DCDC2: variants seen among roughly 807,000 people sequenced by gnomAD.
The protein encoded by DCDC2 is doublecortin domain containing 2.
Under a neutral mutation model 50.2 loss-of-function variants are expected in DCDC2, and 40 were observed. The observed-to-expected ratio is 0.80, with a 90% CI of 0.62 to 1.04. DCDC2 has a LOEUF of 1.04. Among genes scored for constraint, DCDC2 ranks in the 50% least tolerant of loss-of-function variants. DCDC2 has a pLI of 0.00. For synonymous variants in DCDC2, 234 were observed against 210.6 expected (o/e 1.11, Z -0.96); for missense variants, 570 against 581.9 (o/e 0.98, Z 0.21).
At chr6:24,292,344 A>C (rs199740932) in intron 4 of DCDC2, among the ~76,000 whole-genome samples, 3 of 79,230 alleles carry the variant, frequency 3.8e-5, no homozygotes, top group Non-Finnish European at 6.9e-5. Context: ...TTACAGACGC[A>C]AAAAAAAAAA....
At position 24,172,080 on chromosome 6, in the gene DCDC2, G is replaced by C. The variant is rs963057687; in HGVS notation, c.*2650C>G. On this transcript the variant is annotated 3_prime_UTR_variant, in exon 10 of 10. Coordinates refer to ENST00000378454, the MANE Select transcript of DCDC2 (RefSeq NM_016356.5). ...TTCATTTAATTTGGAGAGCCAGTCT[G>C]CCACGGAGACCACCATTCTCCACAG... 6.6e-6 allele frequency: 1 copy of C among 152,102 alleles called. No homozygotes were observed. Among genetic ancestry groups the C allele is most frequent in the South Asian group, 2.1e-4 (1 of 4,810 alleles). 9.4% of individuals were successfully genotyped at this position (152,102 alleles called of 1,614,324 possible). A position where few individuals can be genotyped will look rare whatever the true frequency, so the allele number is the denominator to read the frequency against.
intron 7 of DCDC2, among the ~76,000 whole-genome samples, chr6:24,276,321 TA>T (rs1289357822): frequency 6.6e-6 from 1 of 151,732 alleles, no homozygotes; most frequent in Non-Finnish European, 1.5e-5. Context: ...AAAGACTTTT[TA>T]AAAATATACT....
At chr6:24,224,558 G>A (rs1762188235) in intron 7 of DCDC2, among the ~76,000 whole-genome samples, 1 of 152,190 alleles carries the variant, frequency 6.6e-6, no homozygotes, top group South Asian at 2.1e-4. Flanking sequence ...CACATATGTG[G>A]TGTGCACTGG....
chr6:24,285,752 T>C (rs190222169), intron 6 of DCDC2, among the ~76,000 whole-genome samples: 118 of 152,360 alleles, frequency 7.7e-4, no homozygotes, highest in Non-Finnish European at 1.5e-3. Flanking sequence ...GTTTTTCAAA[T>C]TTCAGAATAC....
the DCDC2 span, among the ~76,000 whole-genome samples, chr6:24,381,827 G>GAAGGAAGGAAGT: frequency 7.4e-6 from 1 of 135,374 alleles, no homozygotes; most frequent in Non-Finnish European, 1.6e-5. Context: ...AGGAAGGAAG[G>GAAGGAAGGAAGT]AAGGAAGGAA....
At chr6:24,215,871 G>A (rs1197752187) in intron 7 of DCDC2, among the ~76,000 whole-genome samples, 1 of 152,216 alleles carries the variant, frequency 6.6e-6, no homozygotes, top group African/African-American at 2.4e-5. Flanking sequence ...AAGAGACATT[G>A]AATACTTGTA....
chr6:24,320,575 G>A (rs1278932481), intron 2 of DCDC2, among the ~76,000 whole-genome samples: 4 of 151,924 alleles, frequency 2.6e-5, no homozygotes, highest in Admixed American at 6.6e-5. Flanking sequence ...CAAGTGATCC[G>A]TCCACCTTGG....
intron 7 of DCDC2, among the ~76,000 whole-genome samples, chr6:24,264,088 T>C (rs897629359): frequency 6.6e-5 from 10 of 152,104 alleles, no homozygotes; most frequent in Admixed American, 4.6e-4. Context: ...GCATGACATA[T>C]TTAAAGTGAA....
intron 2 of DCDC2, among the ~76,000 whole-genome samples, chr6:24,313,490 T>C (rs1368516054): frequency 6.8e-6 from 1 of 147,580 alleles, no homozygotes; most frequent in African/African-American, 2.7e-5. Flanking sequence ...TTTTGTTTTA[T>C]TTTCCCAAAT....
At chr6:24,333,360 G>A (rs936121067) in intron 2 of DCDC2, among the ~76,000 whole-genome samples, 2 of 152,128 alleles carry the variant, frequency 1.3e-5, no homozygotes, top group South Asian at 2.1e-4. Flanking sequence ...TGAAAGGTAT[G>A]ACGACCCCAG....
At chr6:24,344,538 T>G (rs1225084966) in intron 2 of DCDC2, among the ~76,000 whole-genome samples, 1 of 152,218 alleles carries the variant, frequency 6.6e-6, no homozygotes, top group African/African-American at 2.4e-5. Context: ...GCCAGATATT[T>G]GGAACAAATG....
chr6:24,250,059 G>A (rs1762765615), intron 7 of DCDC2, among the ~76,000 whole-genome samples: 1 of 152,150 alleles, frequency 6.6e-6, no homozygotes, highest in Non-Finnish European at 1.5e-5. Flanking sequence ...GGTTTAATTA[G>A]TAGGCTCAAG....
chr6:24,273,896 C>T (rs975282367), intron 7 of DCDC2, among the ~76,000 whole-genome samples: 2 of 152,200 alleles, frequency 1.3e-5, no homozygotes, highest in African/African-American at 4.8e-5. Context: ...CGGCACCACA[C>T]CTGCTCCCAA....
chr6:24,199,272 A>C (rs1761526915), intron 8 of DCDC2, among the ~76,000 whole-genome samples: 1 of 152,224 alleles, frequency 6.6e-6, no homozygotes. Context: ...TCTGGTTGGC[A>C]TCTGGTGGGT....
chr6:24,178,077 AGTAG>A (rs1760966246), intron 9 of DCDC2, among the ~76,000 whole-genome samples: 1 of 152,190 alleles, frequency 6.6e-6, no homozygotes, highest in Non-Finnish European at 1.5e-5. Context: ...GCAGGAGGTA[AGTAG>A]ATGGATGGGT....
intron 6 of DCDC2, among the ~76,000 whole-genome samples, chr6:24,283,712 G>T (rs892189168): frequency 6.6e-6 from 1 of 152,070 alleles, no homozygotes; most frequent in African/African-American, 2.4e-5. Context: ...CATTCTCCTG[G>T]GAACCAATTC....
At chr6:24,233,454 A>G (rs1304289085) in intron 7 of DCDC2, among the ~76,000 whole-genome samples, 1 of 152,180 alleles carries the variant, frequency 6.6e-6, no homozygotes, top group East Asian at 1.9e-4. Flanking sequence ...TTTTGTATAC[A>G]TTATCGTCAT....
intron 8 of DCDC2, among the ~76,000 whole-genome samples, chr6:24,198,979 G>A (rs1250660009): frequency 1.3e-5 from 2 of 152,180 alleles, no homozygotes; most frequent in African/African-American, 4.8e-5. Context: ...TCTGGGTAGG[G>A]CATCTCAGAA....
intron 2 of DCDC2, among the ~76,000 whole-genome samples, chr6:24,302,621 C>A (rs80208798): frequency 0.032 from 4,903 of 152,158 alleles, 228 homozygotes; most frequent in African/African-American, 0.11. Context: ...CAGCCCTTGC[C>A]ACTGGGTAGA....
Sources: allele counts gnomAD v4.1 joint callset (sites outside exome capture counted in the v4.1 genomes callset), GRCh38; gene constraint gnomAD v4.1.1; transcripts MANE v1.5; gene names NCBI Gene and HGNC (gene_info 2026-07-23, HGNC 2026-07-21).